The following MARCHF1 variants were observed in gnomAD, a reference collection of about 807,000 sequenced individuals.
The protein encoded by MARCHF1 is E3 ubiquitin-protein ligase MARCHF1.
In MARCHF1, 40 loss-of-function variants were observed where a neutral mutation model predicts 54.2. The ratio of observed to expected loss-of-function variants is 0.74; its 90% confidence interval spans 0.57 to 0.96. The LOEUF (loss-of-function observed/expected upper bound fraction) is 0.96. Ranked by LOEUF, MARCHF1 falls within the 40% of genes least tolerant of loss-of-function variation. The pLI, the probability that MARCHF1 is intolerant of heterozygous loss-of-function variation, is 0.00. For missense variants in MARCHF1, 586 were observed against 656.5 expected, an observed-to-expected ratio of 0.89 and a Z score of 1.17; for synonymous variants, 236 against 236.3, an observed-to-expected ratio of 1.00 and a Z score of 0.01.
chr4:164,326,957 T>TGTGTG (rs1735296438), intron 1 of MARCHF1, among the ~76,000 whole-genome samples: 1 of 133,664 alleles, frequency 7.5e-6, no homozygotes, highest in East Asian at 2.2e-4. Flanking sequence ...GTTGTAAGGA[T>TGTGTG]TGTGTGTGTG....
chr4:164,162,429 G>T (rs1262502424), intron 1 of MARCHF1, among the ~76,000 whole-genome samples: 1 of 152,026 alleles, frequency 6.6e-6, no homozygotes. Flanking sequence ...ATCCAGAGAG[G>T]GCAGCTGTGA....
At chr4:163,613,196 T>G (rs775475934) in intron 6 of MARCHF1, 118 bp downstream of exon 6, 15 of 1,299,018 alleles carry the variant, frequency 1.2e-5, no homozygotes, top group Non-Finnish European at 1.6e-5. Context: ...ATAGCCAGTA[T>G]AAATTTTCTA....
At chr4:164,214,502 C>T (rs117593878) in intron 1 of MARCHF1, among the ~76,000 whole-genome samples, 2,106 of 152,046 alleles carry the variant, frequency 0.014, 52 homozygotes, top group East Asian at 0.12. Context: ...TCTAATATGA[C>T]ATGATAATAT....
intron 1 of MARCHF1, among the ~76,000 whole-genome samples, chr4:164,218,364 A>C (rs1189550290): frequency 1.3e-5 from 2 of 152,162 alleles, no homozygotes; most frequent in African/African-American, 4.8e-5. Context: ...AACTTTCAGG[A>C]ATAGTATTAC....
At chr4:163,970,847 C>T (rs1752532458) in intron 3 of MARCHF1, among the ~76,000 whole-genome samples, 2 of 152,072 alleles carry the variant, frequency 1.3e-5, no homozygotes, top group Admixed American at 6.6e-5. Flanking sequence ...GCTCCAAAAA[C>T]AGATTTTTAT....
intron 4 of MARCHF1, among the ~76,000 whole-genome samples, chr4:163,815,582 A>G (rs926240862): frequency 1.3e-5 from 2 of 152,132 alleles, no homozygotes; most frequent in Admixed American, 1.3e-4. Flanking sequence ...CAACCCTGAT[A>G]TACCAGGTCC....
chr4:163,619,204 T>C (rs1741602791), intron 5 of MARCHF1, among the ~76,000 whole-genome samples: 1 of 152,184 alleles, frequency 6.6e-6, no homozygotes, highest in African/African-American at 2.4e-5. Context: ...ATTGCAAGTA[T>C]TCAGCAGGAA....
chr4:164,115,287 T>A (rs191649435), intron 1 of MARCHF1, among the ~76,000 whole-genome samples: 6 of 152,168 alleles, frequency 3.9e-5, no homozygotes, highest in Non-Finnish European at 7.4e-5. Context: ...TGGACAGCAA[T>A]CACAGTGTTA....
intron 2 of MARCHF1, among the ~76,000 whole-genome samples, chr4:164,073,076 A>G (rs1310167553): frequency 6.6e-6 from 1 of 152,206 alleles, no homozygotes; most frequent in Admixed American, 6.5e-5. Flanking sequence ...AAGAGGGGAA[A>G]AATAATGTAA....
chr4:163,553,783 G>A (rs925830029), intron 8 of MARCHF1, among the ~76,000 whole-genome samples: 7 of 152,174 alleles, frequency 4.6e-5, no homozygotes, highest in East Asian at 1.9e-4. Context: ...AAGCATGAGC[G>A]TGGGTGTGTG....
intron 4 of MARCHF1, among the ~76,000 whole-genome samples, chr4:163,825,304 T>C (rs1179771340): frequency 6.6e-6 from 1 of 152,052 alleles, no homozygotes; most frequent in East Asian, 1.9e-4. Flanking sequence ...TAGTATTCCA[T>C]GGTGTATATG....
intron 2 of MARCHF1, among the ~76,000 whole-genome samples, chr4:164,107,237 C>T (rs1027752893): frequency 3.3e-5 from 5 of 152,008 alleles, no homozygotes; most frequent in Non-Finnish European, 5.9e-5. Flanking sequence ...TCACAGTATA[C>T]ATTTTTCTTA....
At chr4:163,692,947 C>T (rs1744509813) in intron 5 of MARCHF1, among the ~76,000 whole-genome samples, 1 of 151,354 alleles carries the variant, frequency 6.6e-6, no homozygotes, top group Admixed American at 6.6e-5. Context: ...GTGTTCTTTT[C>T]AATATTTGTC....
chr4:164,202,670 A>G (rs1432379271), intron 1 of MARCHF1, among the ~76,000 whole-genome samples: 2 of 152,206 alleles, frequency 1.3e-5, no homozygotes, highest in Admixed American at 6.5e-5. Flanking sequence ...ATTAAAGTCC[A>G]TGATTTCCCA....
intron 5 of MARCHF1, among the ~76,000 whole-genome samples, chr4:163,654,545 C>G (rs1453329835): frequency 6.6e-6 from 1 of 151,572 alleles, no homozygotes; most frequent in African/African-American, 2.4e-5. Context: ...GTTATTGGTG[C>G]ATACAATTTA....
chr4:163,793,962 C>T (rs866093043), intron 4 of MARCHF1, among the ~76,000 whole-genome samples: 1 of 152,264 alleles, frequency 6.6e-6, no homozygotes, highest in Middle Eastern at 3.4e-3. Context: ...CCTTCTTTAA[C>T]TCGGTGTCTG....
At chr4:163,840,404 T>C (rs1285102756) in intron 4 of MARCHF1, among the ~76,000 whole-genome samples, 1 of 152,094 alleles carries the variant, frequency 6.6e-6, no homozygotes, top group Non-Finnish European at 1.5e-5. Flanking sequence ...ATTCAACTTT[T>C]ATTTGATTTG....
intron 1 of MARCHF1, among the ~76,000 whole-genome samples, chr4:164,307,868 T>C (rs770292337): frequency 7.2e-5 from 11 of 152,286 alleles, no homozygotes; most frequent in Middle Eastern, 3.4e-3. Flanking sequence ...CTATTTTGCC[T>C]CCTTTCCAGA....
intron 5 of MARCHF1, among the ~76,000 whole-genome samples, chr4:163,628,959 A>C (rs1282839217): frequency 6.6e-6 from 1 of 152,232 alleles, no homozygotes; most frequent in African/African-American, 2.4e-5. Context: ...CAATATTGTG[A>C]AAATGGCCAT....
Sources: allele counts gnomAD v4.1 joint callset (sites outside exome capture counted in the v4.1 genomes callset), GRCh38; gene constraint gnomAD v4.1.1; transcripts MANE v1.5; gene names NCBI Gene and HGNC (gene_info 2026-07-23, HGNC 2026-07-21).